The following TENM2 variants were observed in gnomAD, a reference collection of about 807,000 sequenced individuals.
The protein encoded by TENM2 is teneurin transmembrane protein 2.
A neutral mutation model predicts 245.2 loss-of-function variants in TENM2; 52 were observed. The ratio of observed to expected loss-of-function variants is 0.21; its 90% CI spans 0.17 to 0.27. The LOEUF (loss-of-function observed/expected upper bound fraction) is 0.27, where lower values mean the gene tolerates loss of function less well. Ranked by LOEUF, TENM2 falls within the 10% of genes least tolerant of loss-of-function variation. The pLI, the probability that TENM2 is intolerant of heterozygous loss-of-function variation, is 1.00. For synonymous variants in TENM2, 1,363 were observed against 1,438.9 expected, an observed-to-expected ratio of 0.95 and a Z score of 1.19; for missense variants, 3,046 against 3,666.8, an observed-to-expected ratio of 0.83 and a Z score of 4.37.
At chr5:167,754,514 C>T (rs190532762) in intron 2 of TENM2, among the ~76,000 whole-genome samples, 6 of 152,138 alleles carry the variant, frequency 3.9e-5, no homozygotes, top group African/African-American at 1.2e-4. Context: ...AACAGGAATG[C>T]GCACATGGTT....
chr5:167,065,928 A>T, the TENM2 span, among the ~76,000 whole-genome samples: 1 of 152,140 alleles, frequency 6.6e-6, no homozygotes, highest in Non-Finnish European at 1.5e-5. Context: ...GGAATGCTGC[A>T]GTTAGTGTGT....
At chr5:168,167,946 C>T (rs1758454893) in intron 13 of TENM2, among the ~76,000 whole-genome samples, 1 of 152,314 alleles carries the variant, frequency 6.6e-6, no homozygotes, top group East Asian at 1.9e-4. Context: ...CTAGCATTAA[C>T]ATTATTAATA....
At chr5:168,068,575 T>C (rs1790703998) in intron 7 of TENM2, among the ~76,000 whole-genome samples, 1 of 152,098 alleles carries the variant, frequency 6.6e-6, no homozygotes, top group Non-Finnish European at 1.5e-5. Context: ...TGTGGATATA[T>C]ATCCAGAGGG....
chr5:167,915,226 C>CA (rs556135677), intron 3 of TENM2, among the ~76,000 whole-genome samples: 5 of 151,670 alleles, frequency 3.3e-5, no homozygotes, highest in Non-Finnish European at 7.4e-5. Flanking sequence ...TCCATTACTG[C>CA]AAAAAAAGGT....
the TENM2 span, among the ~76,000 whole-genome samples, chr5:166,989,070 A>G: frequency 2.0e-5 from 3 of 151,700 alleles, no homozygotes; most frequent in Admixed American, 6.6e-5. Flanking sequence ...AACAAAACAG[A>G]TTAGATTTTT....
At chr5:167,933,797 A>G (rs1286249613) in intron 3 of TENM2, among the ~76,000 whole-genome samples, 35 of 152,134 alleles carry the variant, frequency 2.3e-4, no homozygotes, top group Non-Finnish European at 1.5e-5. Flanking sequence ...CAGCCTCCTG[A>G]TGTGTATAAT....
At chr5:167,249,889 C>T in the TENM2 span, among the ~76,000 whole-genome samples, 3,947 of 152,214 alleles carry the variant, frequency 0.026, 162 homozygotes, top group African/African-American at 0.09. Context: ...AGAAGACTGC[C>T]TGGAACATTA....
the TENM2 span, among the ~76,000 whole-genome samples, chr5:167,036,474 G>T: frequency 6.6e-6 from 1 of 152,196 alleles, no homozygotes; most frequent in South Asian, 2.1e-4. Flanking sequence ...TTTCTACTTT[G>T]TCACCCAATA....
rs72824952 is a variant in TENM2 at position 167,950,706 on chromosome 5, C to T, written c.713-1882C>T. Among the ~76,000 whole-genome samples, 1,162 of 152,186 alleles carry T rather than the reference C, an allele frequency of 7.6e-3. 4 individuals are homozygous for T. The highest frequency in any genetic ancestry group is 0.013 in the Non-Finnish European group (878 of 67,994). ...GAAGGATCATTATTACATCATTTCA[C>T]CCCCCTTTCCCACCTCTTTCCACTA... On this transcript the variant is annotated intron_variant, in intron 3 of 28. Transcript: ENST00000518659.
intron 1 of TENM2, among the ~76,000 whole-genome samples, chr5:167,290,110 T>A (rs1403332791): frequency 6.6e-6 from 1 of 152,232 alleles, no homozygotes; most frequent in African/African-American, 2.4e-5. Flanking sequence ...TTTTCTTTTT[T>A]AAAAAATATC....
intron 2 of TENM2, among the ~76,000 whole-genome samples, chr5:167,446,534 C>A (rs1765217397): frequency 6.6e-6 from 1 of 152,156 alleles, no homozygotes; most frequent in Admixed American, 6.5e-5. Context: ...TGGAACTGAT[C>A]CGTTGCTGTG....
chr5:168,182,494 G>A (rs1283681747), intron 13 of TENM2, among the ~76,000 whole-genome samples: 1 of 152,150 alleles, frequency 6.6e-6, no homozygotes, highest in African/African-American at 2.4e-5. Context: ...TGAGCCACAG[G>A]AATTCAGTCA....
chr5:167,813,101 A>T (rs1281398586), intron 2 of TENM2, among the ~76,000 whole-genome samples: 1 of 152,148 alleles, frequency 6.6e-6, no homozygotes, highest in Non-Finnish European at 1.5e-5. Flanking sequence ...CCAGCACTGG[A>T]AAGTACCCGA....
intron 2 of TENM2, among the ~76,000 whole-genome samples, chr5:167,812,942 C>T (rs1766749809): frequency 6.6e-6 from 1 of 152,062 alleles, no homozygotes; most frequent in South Asian, 2.1e-4. Context: ...CTTAGCACTG[C>T]AAAAAAGGCA....
the TENM2 span, among the ~76,000 whole-genome samples, chr5:167,004,973 TAG>T: frequency 6.6e-6 from 1 of 152,210 alleles, no homozygotes; most frequent in East Asian, 1.9e-4. Flanking sequence ...ATGATTTGAA[TAG>T]AGTCCGAATA....
intron 2 of TENM2, among the ~76,000 whole-genome samples, chr5:167,707,848 C>CT (rs1392567352): frequency 6.6e-6 from 1 of 152,126 alleles, no homozygotes; most frequent in African/African-American, 2.4e-5. Context: ...TAATAAAGGT[C>CT]TTTAAGTAAC....
At chr5:167,811,332 T>A (rs1327569975) in intron 2 of TENM2, among the ~76,000 whole-genome samples, 1 of 152,036 alleles carries the variant, frequency 6.6e-6, no homozygotes, top group Non-Finnish European at 1.5e-5. Flanking sequence ...CTTGCAATAG[T>A]GAGTTCTCAT....
At chr5:167,021,705 CT>C in the TENM2 span, among the ~76,000 whole-genome samples, 63 of 152,250 alleles carry the variant, frequency 4.1e-4, no homozygotes, top group East Asian at 0.012. Context: ...CCTAGAGCTG[CT>C]TATCTTTCAG....
the TENM2 span, among the ~76,000 whole-genome samples, chr5:167,137,979 A>G: frequency 7.9e-5 from 12 of 152,322 alleles, no homozygotes; most frequent in East Asian, 1.5e-3. Context: ...AAGAAAATAA[A>G]GTCTATCTAT....
Sources: allele counts gnomAD v4.1 joint callset (sites outside exome capture counted in the v4.1 genomes callset), GRCh38; gene constraint gnomAD v4.1.1; transcripts MANE v1.5; gene names NCBI Gene and HGNC (gene_info 2026-07-23, HGNC 2026-07-21).